DOCK2: variants seen among roughly 807,000 people sequenced by gnomAD.
The protein encoded by DOCK2 is dedicator of cytokinesis protein 2.
A neutral mutation model predicts 248.9 loss-of-function variants in DOCK2; 87 were observed. The ratio of observed to expected loss-of-function variants is 0.35; its 90% CI spans 0.29 to 0.42. The LOEUF is 0.42. DOCK2 is among the 10% of genes least tolerant of loss of function. The probability of loss-of-function intolerance (pLI) is 1.00; values close to 1 mark genes in which losing one functional copy is unlikely to be tolerated. For missense variants in DOCK2, 1,747 were observed against 2,300.2 expected, an observed-to-expected ratio of 0.76 and a Z score of 4.92; for synonymous variants, 805 against 821.6, an observed-to-expected ratio of 0.98 and a Z score of 0.35.
intron 15 of DOCK2, among the ~76,000 whole-genome samples, chr5:169,710,526 C>T (rs893067062): frequency 2.0e-5 from 3 of 152,190 alleles, no homozygotes; most frequent in African/African-American, 7.2e-5. Flanking sequence ...GATCGTCACA[C>T]TAAGCAGAAA....
chr5:169,718,589 T>C, intron 21 of DOCK2, 68 bp from the exon 22 acceptor site: 2 of 1,557,482 alleles, frequency 1.3e-6, no homozygotes, highest in Non-Finnish European at 1.7e-6. Flanking sequence ...GAATGCCTTA[T>C]AATTTACTGA....
rs1281889855 is a variant in DOCK2 at position 169,674,280 on chromosome 5, TG to T, written c.322-16del. ...CCCTTTAACACAGGTAATTATGGGT[TG>T]TTTCTTGTCTCCTAGGCCAGCAAAA... On this transcript the variant is annotated splice_polypyrimidine_tract_variant and intron_variant, in intron 5 of 51. Transcript: ENST00000520908. 6.2e-7 allele frequency: 1 copy of T among 1,613,350 alleles called. No individual in the cohort carries two copies. Among genetic ancestry groups the T allele is most frequent in the South Asian group, 1.1e-5 (1 of 90,980 alleles).
At chr5:169,637,483 G>C in intron 1 of DOCK2, 114 bp downstream of exon 1, 4 of 1,179,430 alleles carry the variant, frequency 3.4e-6, no homozygotes, top group Non-Finnish European at 4.3e-6. Flanking sequence ...CTGCCTGCAG[G>C]TCAGAGGGCG....
At chr5:169,978,183 A>G (rs773110519) in intron 27 of DOCK2, among the ~76,000 whole-genome samples, 4 of 152,088 alleles carry the variant, frequency 2.6e-5, no homozygotes, top group Non-Finnish European at 5.9e-5. Flanking sequence ...TTAGGTAGCA[A>G]GCTTCCGAAG....
At chr5:169,682,629 G>A (rs1418606798) in intron 7 of DOCK2, among the ~76,000 whole-genome samples, 1 of 152,044 alleles carries the variant, frequency 6.6e-6, no homozygotes, top group African/African-American at 2.4e-5. Context: ...TAGCTACTCT[G>A]TGTTATTTGA....
chr5:169,709,996 A>G (rs1761487600), intron 15 of DOCK2, among the ~76,000 whole-genome samples: 2 of 152,222 alleles, frequency 1.3e-5, no homozygotes, highest in Admixed American at 6.5e-5. Context: ...GTTTTAGCCA[A>G]AGCAGGTGGG....
chr5:170,082,025 G>A (rs1758052721), intron 51 of DOCK2, 41 bp downstream of exon 51: 2 of 1,605,866 alleles, frequency 1.2e-6, no homozygotes, highest in Non-Finnish European at 1.7e-6. Context: ...GGCATTGGGA[G>A]GAGAAAGGGA....
chr5:170,022,424 C>T (rs1755761846), intron 33 of DOCK2, among the ~76,000 whole-genome samples: 1 of 152,046 alleles, frequency 6.6e-6, no homozygotes, highest in South Asian at 2.1e-4. Context: ...CCCTGTCTCA[C>T]CTCTCACCCA....
chr5:170,070,600 C>A (rs1757648316), intron 46 of DOCK2, among the ~76,000 whole-genome samples: 2 of 152,188 alleles, frequency 1.3e-5, no homozygotes, highest in South Asian at 4.1e-4. Flanking sequence ...CCCTTAGCAT[C>A]CCCAGTTTGG....
intron 27 of DOCK2, chr5:169,864,345 G>A (rs1348594473): frequency 2.4e-5 from 38 of 1,551,418 alleles, no homozygotes; most frequent in Non-Finnish European, 3.2e-5. Context: ...CCGGGGCTGG[G>A]GGTTCTGCTG....
chr5:169,646,459 C>G (rs969906705), intron 1 of DOCK2, among the ~76,000 whole-genome samples: 4 of 152,152 alleles, frequency 2.6e-5, no homozygotes, highest in Non-Finnish European at 5.9e-5. Flanking sequence ...TGAAAATTCC[C>G]TCTATTTTAT....
chr5:169,690,993 G>A (rs1457421043), intron 9 of DOCK2, among the ~76,000 whole-genome samples: 1 of 152,150 alleles, frequency 6.6e-6, no homozygotes, highest in African/African-American at 2.4e-5. Flanking sequence ...CTGAAACTGG[G>A]TAATTTGTAA....
chr5:169,662,880 C>T (rs1758523592), intron 2 of DOCK2, among the ~76,000 whole-genome samples: 1 of 152,102 alleles, frequency 6.6e-6, no homozygotes, highest in Admixed American at 6.5e-5. Flanking sequence ...ATCTCATGTC[C>T]TTCTTACATT....
At chr5:169,694,937 T>TTCTA (rs1041745314) in intron 9 of DOCK2, among the ~76,000 whole-genome samples, 6 of 152,292 alleles carry the variant, frequency 3.9e-5, no homozygotes, top group Non-Finnish European at 8.8e-5. Context: ...ATCATGCTAC[T>TTCTA]GCCCTCTAGC....
chr5:169,885,152 C>T (rs1188210328), intron 27 of DOCK2, among the ~76,000 whole-genome samples: 1 of 152,212 alleles, frequency 6.6e-6, no homozygotes, highest in Non-Finnish European at 1.5e-5. Context: ...CACATCAGGA[C>T]CCATTGTACA....
At position 170,009,918 on chromosome 5, in the gene DOCK2, C is replaced by T. The variant is rs1755218452; in HGVS notation, c.3232+1172C>T. On this transcript the variant is annotated intron_variant, in intron 32 of 51. Coordinates refer to ENST00000520908, the MANE Select transcript of DOCK2 (RefSeq NM_004946.3). ...TTGGTTCACAAAGCCCAAGGCAGAG[C>T]CAAGGACCCAAGCCCAGAACAGACT... is the stretch of plus-strand genomic sequence containing the variant. 3.3e-5 allele frequency among the ~76,000 whole-genome samples: 5 copies of T among 152,274 alleles called. No individual in the cohort carries two copies. In the South Asian group the frequency reaches 1.0e-3, roughly 32 times the overall value.
At chr5:170,066,293 A>C (rs186214276) in intron 44 of DOCK2, among the ~76,000 whole-genome samples, 2 of 139,772 alleles carry the variant, frequency 1.4e-5, no homozygotes, top group East Asian at 3.9e-4. Context: ...ACTGTAAAAA[A>C]AAACAAAACA....
chr5:169,875,396 AC>A, intron 27 of DOCK2: 1 of 436,180 alleles, frequency 2.3e-6, no homozygotes, highest in Non-Finnish European at 4.6e-6. Flanking sequence ...TTCAATGTAA[AC>A]CCTCACGATG....
At chr5:169,960,731 G>T (rs530719093) in intron 27 of DOCK2, among the ~76,000 whole-genome samples, 62 of 152,224 alleles carry the variant, frequency 4.1e-4, no homozygotes, top group African/African-American at 1.5e-3. Flanking sequence ...TTTGTTACTT[G>T]CAGTTAATTG....
Sources: allele counts gnomAD v4.1 joint callset (sites outside exome capture counted in the v4.1 genomes callset), GRCh38; gene constraint gnomAD v4.1.1; transcripts MANE v1.5; gene names NCBI Gene and HGNC (gene_info 2026-07-23, HGNC 2026-07-21).